ARHGEF18: variants seen among roughly 807,000 people sequenced by gnomAD.
The protein encoded by ARHGEF18 is rho guanine nucleotide exchange factor 18.
In ARHGEF18, 93 loss-of-function variants were observed where a neutral mutation model predicts 155.7. That is an observed-to-expected ratio of 0.60 (90% CI 0.50 to 0.71). The LOEUF is 0.71. ARHGEF18 is among the 30% of genes least tolerant of loss of function. ARHGEF18 has a pLI of 0.00. For missense variants in ARHGEF18, 1,593 were observed against 1,816.1 expected (o/e 0.88, Z 2.23); for synonymous variants, 742 against 753.1 (o/e 0.99, Z 0.24).
chr19:7,388,535 C>T (rs1429158901), intron 10 of ARHGEF18, among the ~76,000 whole-genome samples: 1 of 152,004 alleles, frequency 6.6e-6, no homozygotes, highest in Non-Finnish European at 1.5e-5. Flanking sequence ...ACAGCCTGAG[C>T]CCCCGATCAC....
chr19:7,438,657 C>T (rs1331410507), intron 10 of ARHGEF18, among the ~76,000 whole-genome samples: 1 of 152,104 alleles, frequency 6.6e-6, no homozygotes, highest in East Asian at 1.9e-4. Flanking sequence ...GTGATCCACC[C>T]ACCTTGGCCT....
Position 7,440,544 on chromosome 19 carries a change from C to T in ARHGEF18, c.1106+62C>T. ...GTGGCATTCCCCGGGGAGCTGTTGA[C>T]AGCCTCTTCGGAGGGAGACCCCGAC... On this transcript the variant is annotated intron_variant, in intron 11 of 28. Transcript: ENST00000668164. The surrounding 1 kb of genome is among the most constrained non-coding windows in gnomAD (Gnocchi z 5.4). 2.0e-6 allele frequency: 3 copies of T among 1,531,244 alleles called. No individual in the cohort carries two copies. Among genetic ancestry groups the T allele is most frequent in the Non-Finnish European group, 2.6e-6 (3 of 1,142,686 alleles). The allele number at this position is 1,531,244 out of a possible 1,614,324, so 94.9% of individuals were successfully genotyped here.
chr19:7,447,139 CAA>C lies in ARHGEF18; in HGVS notation c.1711_1712del (p.Asn571GlnfsTer51). 1 of 1,612,298 alleles carries C rather than the reference CAA, an allele frequency of 6.2e-7. No homozygotes were observed. The highest frequency in any genetic ancestry group is 8.5e-7 in the Non-Finnish European group (1 of 1,179,378). On this transcript the variant is annotated frameshift_variant, in exon 15 of 29. Coordinates refer to ENST00000668164, the MANE Select transcript of ARHGEF18 (RefSeq NM_001367823.1). LOFTEE classifies it high-confidence loss of function. ...AVSHYKLLLQQNKKFQNLIKK... is the reference protein window; with the variant it reads ...AVSHYKLLLQXNKKFQNLIKK... Reference sequence around the variant, plus strand: ...TAGTCATTACAAGTTGCTGCTTCAGCAAAACAAGAAATTTCAAAACTTGATCA... The same window carrying C: ...TAGTCATTACAAGTTGCTGCTTCAGCAACAAGAAATTTCAAAACTTGATCA...
chr19:7,387,645 T>G (rs191353180), intron 10 of ARHGEF18, among the ~76,000 whole-genome samples: 15 of 152,088 alleles, frequency 9.9e-5, no homozygotes, highest in Non-Finnish European at 1.2e-4. Flanking sequence ...ATGTATCACC[T>G]TCGGTGGTTC....
intron 3 of ARHGEF18, among the ~76,000 whole-genome samples, chr19:7,375,350 AAGAAAAG>A (rs1416196850): frequency 7.0e-6 from 1 of 143,290 alleles, no homozygotes; most frequent in African/African-American, 2.9e-5. Flanking sequence ...AAGAAAAAGA[AAGAAAAG>A]GAAGGAAGGA....
intron 10 of ARHGEF18, among the ~76,000 whole-genome samples, chr19:7,385,377 G>A (rs1970947580): frequency 6.6e-6 from 1 of 151,822 alleles, no homozygotes; most frequent in African/African-American, 2.4e-5. Flanking sequence ...CTGATTTGGG[G>A]TCACCCAAGG....
rs1360574554 is a variant in ARHGEF18 at position 7,463,183 on chromosome 19, C to T, written c.2636-635C>T. 1.3e-5 allele frequency among the ~76,000 whole-genome samples: 2 copies of T among 152,130 alleles called. No homozygotes were observed. Among genetic ancestry groups the T allele is most frequent in the Non-Finnish European group, 2.9e-5 (2 of 68,022 alleles). On this transcript the variant is annotated intron_variant, in intron 21 of 28. Transcript: ENST00000668164. The surrounding 1 kb of genome is among the most constrained non-coding windows in gnomAD (Gnocchi z 5.2). The stretch of plus-strand genomic sequence containing the variant: ...GGAAGCCGACTCAGCCCCTGCCTTC[C>T]AGAGCCTTTCCGCAGAATAAGACGG...
chr19:7,406,080 T>G (rs1172307882), intron 10 of ARHGEF18, among the ~76,000 whole-genome samples: 1 of 151,992 alleles, frequency 6.6e-6, no homozygotes, highest in African/African-American at 2.4e-5. Flanking sequence ...ACCAGATTCT[T>G]TTTGTTGTTG....
At chr19:7,455,463 T>C (rs1207786577) in intron 17 of ARHGEF18, among the ~76,000 whole-genome samples, 13 of 152,178 alleles carry the variant, frequency 8.5e-5, no homozygotes, top group Admixed American at 1.3e-4. Context: ...TTTGCATCTA[T>C]GTGCAGGAAG....
chr19:7,441,886 G>T, intron 12 of ARHGEF18, 26 bp from the exon 13 acceptor site: 1 of 1,613,356 alleles, frequency 6.2e-7, no homozygotes. Flanking sequence ...TGGGCCCCCA[G>T]CAGCCACACC....
chr19:7,365,039 G>A (rs553357188), intron 2 of ARHGEF18, among the ~76,000 whole-genome samples: 2 of 152,332 alleles, frequency 1.3e-5, no homozygotes, highest in African/African-American at 4.8e-5. Flanking sequence ...CACTAAGGAA[G>A]GAGGATCTGT....
In ARHGEF18 at chr19:7,375,822, T is replaced by C; in HGVS notation, c.378T>C (p.Thr126=). The part of the protein sequence containing the change: ...NLPGGGLKTW[T]QGCLSGGGTP... Reference sequence around the variant, plus strand: ...CAGGAGGAGGGCTGAAGACCTGGACTCAAGGGTGTCTCTCTGGGGGCGGGA... The same window carrying C: ...CAGGAGGAGGGCTGAAGACCTGGACCCAAGGGTGTCTCTCTGGGGGCGGGA... The change falls in exon 4 of 29, where the codon ACT becomes ACC. Residue 126 remains threonine, a synonymous_variant. Coordinates refer to ENST00000668164, the MANE Select transcript of ARHGEF18 (RefSeq NM_001367823.1). The C allele has an allele frequency of 8.1e-7, 1 of 1,234,454 alleles. No homozygotes were observed. The highest frequency in any genetic ancestry group is 1.0e-6 in the Non-Finnish European group (1 of 988,256). 76.5% of individuals were successfully genotyped at this position (1,234,454 alleles called of 1,614,324 possible).
intron 2 of ARHGEF18, 102 bp from the exon 3 acceptor site, chr19:7,372,710 G>T: frequency 8.7e-7 from 1 of 1,150,338 alleles, no homozygotes; most frequent in Non-Finnish European, 1.1e-6. Context: ...GGACAGGCAG[G>T]GTCTGGATGT....
chr19:7,370,282 T>C lies in ARHGEF18; in HGVS notation c.16-2530T>C, dbSNP rs1051462528. ...AGGCCAAAGCGGGTGGATCACGAGG[T>C]CAGGAGATCGAGACCATCCTGGCTA... On this transcript the variant is annotated intron_variant, in intron 2 of 28. Transcript: ENST00000668164. Among the ~76,000 whole-genome samples, 4 of 151,936 alleles carry C rather than the reference T, an allele frequency of 2.6e-5. No individual in the cohort carries two copies. The South Asian group carries it at 6.2e-4, about 24-fold the overall frequency.
chr19:7,469,197 T>G (rs1292433859), intron 27 of ARHGEF18, 66 bp downstream of exon 27: 3 of 1,464,040 alleles, frequency 2.0e-6, no homozygotes, highest in Non-Finnish European at 2.7e-6. Context: ...AGCGGCTCGC[T>G]GGGAGCCAGG....
chr19:7,353,822 G>A (rs1969215705), intron 1 of ARHGEF18, among the ~76,000 whole-genome samples: 3 of 151,648 alleles, frequency 2.0e-5, no homozygotes, highest in Admixed American at 2.0e-4. Flanking sequence ...GCATGGTGGT[G>A]CACGCCTGTG....
chr19:7,478,796 G>A, the ARHGEF18 span, among the ~76,000 whole-genome samples: 1 of 152,212 alleles, frequency 6.6e-6, no homozygotes, highest in African/African-American at 2.4e-5. Flanking sequence ...GCTCTGTGTG[G>A]AAAGGTCCAA....
chr19:7,417,374 C>A, intron 10 of ARHGEF18, among the ~76,000 whole-genome samples: 1 of 152,088 alleles, frequency 6.6e-6, no homozygotes. Flanking sequence ...CATAGCAAGA[C>A]CCTGTCTCTA....
intron 13 of ARHGEF18, among the ~76,000 whole-genome samples, chr19:7,442,834 T>C (rs8110932): frequency 0.018 from 2,757 of 152,242 alleles, 83 homozygotes; most frequent in African/African-American, 0.06. Flanking sequence ...ATTTCCTGGC[T>C]TCCTGCTGGT....
Sources: allele counts gnomAD v4.1 joint callset (sites outside exome capture counted in the v4.1 genomes callset), GRCh38; gene constraint gnomAD v4.1.1; non-coding constraint Gnocchi (gnomAD v3.1); transcripts MANE v1.5; gene names NCBI Gene and HGNC (gene_info 2026-07-23, HGNC 2026-07-21).